Variants in SERINC5 observed in about 807,000 individuals in gnomAD.
The protein encoded by SERINC5 is chromosome 5 open reading frame 12.
In SERINC5, 41 loss-of-function variants were observed where a neutral mutation model predicts 63.1. That is an observed-to-expected ratio of 0.65 (90% CI 0.51 to 0.84). SERINC5 has a LOEUF of 0.84. Among genes scored for constraint, SERINC5 ranks in the 40% least tolerant of loss-of-function variants. The probability of loss-of-function intolerance (pLI) is 0.00; values close to 1 mark genes in which losing one functional copy is unlikely to be tolerated. For missense variants in SERINC5, 523 were observed against 573.0 expected, an observed-to-expected ratio of 0.91 and a Z score of 0.89; for synonymous variants, 222 against 215.2, an observed-to-expected ratio of 1.03 and a Z score of -0.28.
intron 2 of SERINC5, among the ~76,000 whole-genome samples, chr5:80,186,651 G>A (rs555493376): frequency 4.6e-5 from 7 of 152,274 alleles, no homozygotes; most frequent in African/African-American, 1.7e-4. Context: ...TGTTTACACA[G>A]GAGAGATGCT....
intron 1 of SERINC5, among the ~76,000 whole-genome samples, chr5:80,241,480 G>T (rs74500280): frequency 0.037 from 5,557 of 151,862 alleles, 232 homozygotes; most frequent in African/African-American, 0.11. Context: ...ATAATAATAA[G>T]AAGAAGAAAT....
At chr5:80,232,806 G>A (rs748404415) in intron 1 of SERINC5, among the ~76,000 whole-genome samples, 8 of 151,994 alleles carry the variant, frequency 5.3e-5, no homozygotes, top group Non-Finnish European at 1.2e-4. Context: ...AAAAAGGAAT[G>A]AAGTACTGAC....
intron 1 of SERINC5, among the ~76,000 whole-genome samples, chr5:80,212,225 T>A (rs1362992423): frequency 6.6e-6 from 1 of 152,128 alleles, no homozygotes; most frequent in Non-Finnish European, 1.5e-5. Flanking sequence ...TGGGGCACAG[T>A]GGGGAAGTTC....
At chr5:80,223,798 T>C (rs548770690) in intron 1 of SERINC5, among the ~76,000 whole-genome samples, 1 of 152,126 alleles carries the variant, frequency 6.6e-6, no homozygotes, top group Non-Finnish European at 1.5e-5. Context: ...ATTTAATCTG[T>C]GATGATACAA....
At chr5:80,191,663 T>TAAA (rs72458092) in intron 2 of SERINC5, among the ~76,000 whole-genome samples, 1 of 117,210 alleles carries the variant, frequency 8.5e-6, no homozygotes, top group African/African-American at 3.1e-5. Flanking sequence ...GCCCTGTCTC[T>TAAA]AAAAAAAAAA....
chr5:80,227,888 G>T (rs986238449), intron 1 of SERINC5, among the ~76,000 whole-genome samples: 2 of 151,610 alleles, frequency 1.3e-5, no homozygotes, highest in Non-Finnish European at 2.9e-5. Context: ...AGGTAAGAAG[G>T]TTTAAAAGTT....
intron 1 of SERINC5, among the ~76,000 whole-genome samples, chr5:80,249,044 G>C (rs546720530): frequency 6.6e-6 from 1 of 152,186 alleles, no homozygotes; most frequent in Non-Finnish European, 1.5e-5. Context: ...GCCGGGTACG[G>C]TGGCTCACGC....
At chr5:80,173,418 A>G (rs1345854014) in intron 5 of SERINC5, among the ~76,000 whole-genome samples, 1 of 152,010 alleles carries the variant, frequency 6.6e-6, no homozygotes, top group Non-Finnish European at 1.5e-5. Flanking sequence ...ACACGGTGAA[A>G]CCCCGTCTCT....
At chr5:80,147,353 T>A in intron 9 of SERINC5, 69 bp from the exon 10 acceptor site, 1 of 1,498,096 alleles carries the variant, frequency 6.7e-7, no homozygotes, top group Non-Finnish European at 9.1e-7. Flanking sequence ...AAGACAACAG[T>A]AACCCTTATT....
intron 2 of SERINC5, 67 bp from the exon 3 acceptor site, chr5:80,178,131 C>A: frequency 9.6e-7 from 1 of 1,038,360 alleles, no homozygotes; most frequent in South Asian, 1.7e-5. Flanking sequence ...ACGGAGTGTT[C>A]ATGCAGCCAA....
intron 11 of SERINC5, chr5:80,114,758 C>G (rs2112219588): frequency 6.6e-6 from 1 of 151,954 alleles, no homozygotes; most frequent in East Asian, 1.9e-4. Context: ...CCACCAGGTC[C>G]CTCCCACAAC....
intron 1 of SERINC5, among the ~76,000 whole-genome samples, chr5:80,247,654 C>A (rs1005120676): frequency 6.6e-6 from 1 of 152,186 alleles, no homozygotes; most frequent in Non-Finnish European, 1.5e-5. Context: ...GATTACCTGA[C>A]AACCTGAATT....
intron 2 of SERINC5, among the ~76,000 whole-genome samples, chr5:80,192,337 G>A (rs893293190): frequency 5.9e-5 from 9 of 152,072 alleles, no homozygotes; most frequent in African/African-American, 1.2e-4. Context: ...CCAACCCTCC[G>A]CTCCTGCCTT....
rs150846799 is a variant in SERINC5 at position 80,195,749 on chromosome 5, G to A, written c.195+7137C>T. Among the ~76,000 whole-genome samples the A allele has an allele frequency of 2.9e-4, 44 of 152,308 alleles. 1 individual carries two copies. Among genetic ancestry groups the A allele is most frequent in the African/African-American group, 1.1e-3 (44 of 41,574 alleles). On this transcript the variant is annotated intron_variant, in intron 2 of 11. Transcript: ENST00000507668. ...AAGAACCACAGAAGTATTTTAACAT[G>A]TCACTGTAAACAGACTAAAAGATGT...
intron 1 of SERINC5, among the ~76,000 whole-genome samples, chr5:80,216,897 G>C (rs1258133384): frequency 3.9e-5 from 6 of 152,104 alleles, no homozygotes; most frequent in Middle Eastern, 3.4e-3. Flanking sequence ...TGTAGTCCCG[G>C]CTACTTGGAA....
chr5:80,215,422 T>G (rs140895502), intron 1 of SERINC5, among the ~76,000 whole-genome samples: 85 of 152,360 alleles, frequency 5.6e-4, no homozygotes, highest in African/African-American at 1.8e-3. Flanking sequence ...TTTAAAGGTC[T>G]TTTCTTTATA....
intron 2 of SERINC5, among the ~76,000 whole-genome samples, chr5:80,201,039 C>T (rs995151693): frequency 1.3e-5 from 2 of 152,114 alleles, no homozygotes; most frequent in African/African-American, 2.4e-5. Flanking sequence ...GCGGAGGCTG[C>T]AGTGGGCTGA....
chr5:80,125,670 T>A (rs1440206378), intron 11 of SERINC5, among the ~76,000 whole-genome samples: 1 of 152,152 alleles, frequency 6.6e-6, no homozygotes, highest in Admixed American at 6.5e-5. Context: ...ATGGCTGGAA[T>A]GGATTGGGGA....
intron 1 of SERINC5, among the ~76,000 whole-genome samples, chr5:80,230,005 C>T (rs1338928164): frequency 1.3e-5 from 2 of 152,198 alleles, no homozygotes; most frequent in Admixed American, 6.5e-5. Context: ...ACTAGCATCT[C>T]ATTTCCTCAA....
Sources: allele counts gnomAD v4.1 joint callset (sites outside exome capture counted in the v4.1 genomes callset), GRCh38; gene constraint gnomAD v4.1.1; transcripts MANE v1.5; gene names NCBI Gene and HGNC (gene_info 2026-07-23, HGNC 2026-07-21).